ACTR3C: variants seen among roughly 807,000 people sequenced by gnomAD.
The protein encoded by ACTR3C is actin related protein 3C.
ACTR3C carries 18 observed loss-of-function variants against 26.3 expected under a neutral mutation model. The ratio of observed to expected loss-of-function variants is 0.68; its 90% CI spans 0.47 to 1.01. The LOEUF (loss-of-function observed/expected upper bound fraction) is 1.01, where lower values mean the gene tolerates loss of function less well. Among genes scored for constraint, ACTR3C ranks in the 50% least tolerant of loss-of-function variants. The probability of loss-of-function intolerance (pLI) is 0.00; values close to 1 mark genes in which losing one functional copy is unlikely to be tolerated. For synonymous variants in ACTR3C, 55 were observed against 94.5 expected, an observed-to-expected ratio of 0.58 and a Z score of 2.42; for missense variants, 184 against 250.7, an observed-to-expected ratio of 0.73 and a Z score of 1.80.
chr7:149,925,416 A>G, the ACTR3C span, among the ~76,000 whole-genome samples: 68,644 of 152,012 alleles, frequency 0.45, 16,330 homozygotes, highest in Non-Finnish European at 0.53. Flanking sequence ...GAAAGCCCTA[A>G]AAAGGAATTA....
At chr7:150,305,431 A>G (rs1409374058) in intron 1 of ACTR3C, among the ~76,000 whole-genome samples, 1 of 151,946 alleles carries the variant, frequency 6.6e-6, no homozygotes, top group Non-Finnish European at 1.5e-5. Context: ...CCTAAAACAC[A>G]AAACTGGCCA....
the ACTR3C span, among the ~76,000 whole-genome samples, chr7:150,034,511 A>C: frequency 6.6e-6 from 1 of 151,508 alleles, no homozygotes; most frequent in East Asian, 1.9e-4. Context: ...AGGCTTGGCT[A>C]ATACTGCAGT....
chr7:150,307,899 C>A (rs975948156), intron 1 of ACTR3C, among the ~76,000 whole-genome samples: 1 of 152,216 alleles, frequency 6.6e-6, no homozygotes, highest in Admixed American at 6.5e-5. Context: ...ATCCCTCAAC[C>A]TCTTTCTCCT....
chr7:150,039,139 G>T, the ACTR3C span, among the ~76,000 whole-genome samples: 4 of 150,218 alleles, frequency 2.7e-5, no homozygotes, highest in South Asian at 8.4e-4. Context: ...AACGATCGGG[G>T]GTCCTAAGCC....
At chr7:150,100,478 C>T in the ACTR3C span, among the ~76,000 whole-genome samples, 4 of 151,536 alleles carry the variant, frequency 2.6e-5, no homozygotes, top group South Asian at 2.1e-4. Context: ...TTTGCATCTG[C>T]GAAAGAATAT....
At chr7:150,105,637 G>C in the ACTR3C span, among the ~76,000 whole-genome samples, 414 of 152,066 alleles carry the variant, frequency 2.7e-3, 4 homozygotes, top group African/African-American at 9.5e-3. Flanking sequence ...TTTGCTCCAG[G>C]CAGGCTGGTC....
intron 5 of ACTR3C, among the ~76,000 whole-genome samples, chr7:150,285,593 A>T (rs1835714100): frequency 6.6e-6 from 1 of 152,212 alleles, no homozygotes; most frequent in Non-Finnish European, 1.5e-5. Context: ...CTAGATTATC[A>T]TTGTTATTAT....
chr7:149,947,928 A>G, the ACTR3C span, among the ~76,000 whole-genome samples: 4 of 151,652 alleles, frequency 2.6e-5, no homozygotes, highest in African/African-American at 9.8e-5. Flanking sequence ...ACAGGCATCT[A>G]TTTCCTCGTG....
the ACTR3C span, among the ~76,000 whole-genome samples, chr7:150,120,117 C>T: frequency 6.6e-6 from 1 of 152,142 alleles, no homozygotes; most frequent in Admixed American, 6.5e-5. Context: ...CACTAAACAC[C>T]CACATGAGAA....
At chr7:150,177,123 A>G in the ACTR3C span, among the ~76,000 whole-genome samples, 2 of 149,288 alleles carry the variant, frequency 1.3e-5, no homozygotes, top group Admixed American at 6.6e-5. Flanking sequence ...GTATAGTCAT[A>G]GTTTTTACTA....
At chr7:149,997,924 C>T in the ACTR3C span, among the ~76,000 whole-genome samples, 3 of 149,874 alleles carry the variant, frequency 2.0e-5, 1 homozygote, top group Admixed American at 1.3e-4. Context: ...TTTATTTATA[C>T]AGACATTTAG....
chr7:150,323,464 C>T lies in ACTR3C; in HGVS notation c.-52+5G>A, dbSNP rs954570237. On this transcript the variant is annotated splice_donor_5th_base_variant and intron_variant, in intron 1 of 7. Transcript: ENST00000683684. ...GGCGGCGGGCGGCGGGGCTGCGGCTCTTACCTGCCGAGGAGGCGCCGGCTC... is the reference window on the plus strand; with the variant it reads ...GGCGGCGGGCGGCGGGGCTGCGGCTTTTACCTGCCGAGGAGGCGCCGGCTC... 2.5e-6 allele frequency: 1 copy of T among 394,118 alleles called. No homozygotes were observed. Among genetic ancestry groups the T allele is most frequent in the East Asian group, 1.0e-4 (1 of 9,662 alleles). The allele number at this position is 394,118 out of a possible 1,614,324, so 24.4% of individuals were successfully genotyped here.
At chr7:150,309,708 C>T (rs1197070561) in intron 1 of ACTR3C, among the ~76,000 whole-genome samples, 4 of 152,158 alleles carry the variant, frequency 2.6e-5, no homozygotes, top group Non-Finnish European at 5.9e-5. Flanking sequence ...TGTGCGGGAC[C>T]CCACTGGAAA....
chr7:150,167,845 A>C, the ACTR3C span, among the ~76,000 whole-genome samples: 1 of 150,640 alleles, frequency 6.6e-6, no homozygotes, highest in Non-Finnish European at 1.5e-5. Context: ...GGCGATTAGG[A>C]GCCACTCAGC....
chr7:150,159,578 T>C, the ACTR3C span, among the ~76,000 whole-genome samples: 2 of 152,036 alleles, frequency 1.3e-5, no homozygotes, highest in East Asian at 1.9e-4. Flanking sequence ...GAATAATTCA[T>C]CACAACATTC....
the ACTR3C span, among the ~76,000 whole-genome samples, chr7:150,035,005 G>GT: frequency 7.0e-6 from 1 of 142,870 alleles, no homozygotes; most frequent in African/African-American, 2.6e-5. Context: ...TGTGATGGGG[G>GT]TCCTCAGAGC....
the ACTR3C span, among the ~76,000 whole-genome samples, chr7:150,016,390 C>T: frequency 1.3e-5 from 2 of 152,016 alleles, no homozygotes; most frequent in Non-Finnish European, 2.9e-5. Flanking sequence ...AGGTAATACA[C>T]ATCTCATGTT....
chr7:150,014,605 A>G, the ACTR3C span, among the ~76,000 whole-genome samples: 1 of 152,076 alleles, frequency 6.6e-6, no homozygotes, highest in Admixed American at 6.6e-5. Context: ...AGCACTAGCA[A>G]ACTTGATTCT....
intron 6 of ACTR3C, among the ~76,000 whole-genome samples, chr7:150,267,759 C>T (rs13438337): frequency 0.12 from 18,955 of 152,026 alleles, 2,020 homozygotes; most frequent in African/African-American, 0.27. Context: ...GCATGCCCCA[C>T]GGATAAGAAG....
Sources: gnomAD v4.1 joint callset for allele counts (sites outside exome capture counted in the v4.1 genomes callset) on GRCh38, gnomAD v4.1.1 for gene constraint, MANE v1.5 for transcripts, NCBI Gene and HGNC (gene_info 2026-07-23, HGNC 2026-07-21) for gene names.